Variants in NFASC observed in about 807,000 individuals in gnomAD.
The protein encoded by NFASC is neurofascin homolog.
A neutral mutation model predicts 147.5 loss-of-function variants in NFASC; 43 were observed. The observed-to-expected ratio is 0.29, with a 90% CI of 0.23 to 0.38. The LOEUF (loss-of-function observed/expected upper bound fraction) is 0.38, where lower values mean the gene tolerates loss of function less well. Among genes scored for constraint, NFASC ranks in the 10% least tolerant of loss-of-function variants. The pLI, the probability that NFASC is intolerant of heterozygous loss-of-function variation, is 1.00. For synonymous variants in NFASC, 622 were observed against 665.5 expected (o/e 0.93, Z 1.01); for missense variants, 1,320 against 1,689.0 (o/e 0.78, Z 3.83).
Position 204,910,102 on chromosome 1 carries a change from T to C in NFASC, c.-199-10530T>C, listed in dbSNP as rs573168436. Among the ~76,000 whole-genome samples the C allele has an allele frequency of 4.9e-4, 75 of 152,294 alleles. 1 individual carries two copies. Among genetic ancestry groups the C allele is most frequent in the Admixed American group, 4.4e-3 (67 of 15,300 alleles). On this transcript the variant is annotated intron_variant, in intron 1 of 29. Transcript: ENST00000339876. Reference sequence around the variant, plus strand: ...TTTCCATATAAATTTTAAAATAATTTGTCTAGCTGTTAAAAATTTTGTTGG... The same window carrying C: ...TTTCCATATAAATTTTAAAATAATTCGTCTAGCTGTTAAAAATTTTGTTGG...
At chr1:204,859,726 G>A (rs2076499672) in intron 1 of NFASC, among the ~76,000 whole-genome samples, 1 of 152,156 alleles carries the variant, frequency 6.6e-6, no homozygotes, top group Non-Finnish European at 1.5e-5. Flanking sequence ...TAATTTACTG[G>A]CTGTAACAAC....
chr1:204,875,981 A>G (rs78110118), intron 1 of NFASC, among the ~76,000 whole-genome samples: 2,409 of 152,288 alleles, frequency 0.016, 34 homozygotes, highest in Non-Finnish European at 0.02. Context: ...GACTCAGCCT[A>G]GAATTGCCTG....
At chr1:204,913,378 G>A (rs993197045) in intron 1 of NFASC, among the ~76,000 whole-genome samples, 1 of 152,046 alleles carries the variant, frequency 6.6e-6, no homozygotes, top group Non-Finnish European at 1.5e-5. Context: ...ACAAGCAAGA[G>A]TAAGCAGAAA....
chr1:204,835,734 T>C (rs1673583632), intron 1 of NFASC, among the ~76,000 whole-genome samples: 1 of 152,146 alleles, frequency 6.6e-6, no homozygotes, highest in Non-Finnish European at 1.5e-5. Context: ...TGAGTGCTAG[T>C]CTTTACTCTT....
At chr1:204,911,493 C>T (rs1267661174) in intron 1 of NFASC, among the ~76,000 whole-genome samples, 1 of 152,170 alleles carries the variant, frequency 6.6e-6, no homozygotes, top group Middle Eastern at 3.2e-3. Flanking sequence ...GCTGTGACTA[C>T]AGGCAGACAC....
At chr1:204,876,337 C>T (rs2103128033) in intron 1 of NFASC, among the ~76,000 whole-genome samples, 1 of 152,166 alleles carries the variant, frequency 6.6e-6, no homozygotes, top group South Asian at 2.1e-4. Flanking sequence ...TTTAAGGATA[C>T]TTTCAGCTCT....
intron 20 of NFASC, 72 bp downstream of exon 20, chr1:204,980,512 G>A: frequency 8.8e-7 from 1 of 1,130,528 alleles, no homozygotes; most frequent in South Asian, 1.3e-5. Flanking sequence ...CTCCCTTGAT[G>A]CCCCGACACT....
chr1:204,916,670 A>AT (rs1433008854), intron 1 of NFASC, among the ~76,000 whole-genome samples: 2 of 152,150 alleles, frequency 1.3e-5, no homozygotes, highest in Non-Finnish European at 1.5e-5. Context: ...GGCCTTTGAG[A>AT]TAAGAACATG....
At chr1:204,974,894 C>T (rs192692762) in intron 14 of NFASC, 71 bp downstream of exon 14, 2 of 1,478,892 alleles carry the variant, frequency 1.4e-6, no homozygotes, top group Admixed American at 1.7e-5. Context: ...TATCCACATA[C>T]AATATTCACA....
At chr1:204,905,437 C>T (rs1247278339) in intron 1 of NFASC, among the ~76,000 whole-genome samples, 2 of 151,840 alleles carry the variant, frequency 1.3e-5, no homozygotes, top group East Asian at 1.9e-4. Flanking sequence ...TTTTGATTTG[C>T]ATTTCCCTAA....
intron 1 of NFASC, among the ~76,000 whole-genome samples, chr1:204,847,742 C>T (rs1384270950): frequency 6.6e-6 from 1 of 152,154 alleles, no homozygotes; most frequent in Non-Finnish European, 1.5e-5. Flanking sequence ...TCCTCCTTGG[C>T]CCTGTGTTTG....
intron 1 of NFASC, among the ~76,000 whole-genome samples, chr1:204,911,990 T>C (rs1336297671): frequency 6.6e-6 from 1 of 152,190 alleles, no homozygotes; most frequent in Non-Finnish European, 1.5e-5. Flanking sequence ...TCATTCATTC[T>C]TGAGATTGAT....
At chr1:205,005,639 A>G (rs545043083) in intron 27 of NFASC, among the ~76,000 whole-genome samples, 1 of 152,222 alleles carries the variant, frequency 6.6e-6, no homozygotes, top group African/African-American at 2.4e-5. Context: ...CCTTGCTAAA[A>G]TGCCTTCCTC....
chr1:204,924,834 C>T (rs2091193392), intron 2 of NFASC, among the ~76,000 whole-genome samples: 1 of 152,150 alleles, frequency 6.6e-6, no homozygotes, highest in African/African-American at 2.4e-5. Context: ...CCAGCTGTAA[C>T]TTGGGGGAGA....
chr1:204,978,207 G>T (rs2095444875), intron 17 of NFASC, among the ~76,000 whole-genome samples: 1 of 152,174 alleles, frequency 6.6e-6, no homozygotes, highest in South Asian at 2.1e-4. Flanking sequence ...CTGAAAGATG[G>T]AAATACCTGG....
intron 1 of NFASC, among the ~76,000 whole-genome samples, chr1:204,886,613 T>C (rs1213329101): frequency 6.6e-6 from 1 of 152,214 alleles, no homozygotes; most frequent in East Asian, 1.9e-4. Flanking sequence ...CGTTCCCAGA[T>C]TCTGCTGCAG....
intron 1 of NFASC, among the ~76,000 whole-genome samples, chr1:204,872,014 T>A (rs2077795738): frequency 6.6e-6 from 1 of 152,180 alleles, no homozygotes; most frequent in Non-Finnish European, 1.5e-5. Flanking sequence ...GGGGTTTGGA[T>A]CCAGTGACTT....
chr1:204,992,271 T>C (rs1033085255), intron 24 of NFASC, among the ~76,000 whole-genome samples: 1 of 152,114 alleles, frequency 6.6e-6, no homozygotes, highest in Non-Finnish European at 1.5e-5. Flanking sequence ...CCTCCTTACA[T>C]GCCAGGCAGT....
intron 27 of NFASC, 82 bp from the exon 28 acceptor site, chr1:205,009,475 C>A: frequency 1.4e-6 from 2 of 1,449,922 alleles, no homozygotes; most frequent in Admixed American, 1.7e-5. Context: ...CATGAGATAG[C>A]TGAAGTTCTT....
Sources: allele counts gnomAD v4.1 joint callset (sites outside exome capture counted in the v4.1 genomes callset), GRCh38; gene constraint gnomAD v4.1.1; transcripts MANE v1.5; gene names NCBI Gene and HGNC (gene_info 2026-07-23, HGNC 2026-07-21).